MOGAT2: variants seen among roughly 807,000 people sequenced by gnomAD.
MOGAT2 encodes monoacylglycerol O-acyltransferase 2.
MOGAT2 carries 27 observed loss-of-function variants against 31.5 expected under a neutral mutation model. The observed-to-expected ratio is 0.86, with a 90% CI of 0.63 to 1.18. The LOEUF (loss-of-function observed/expected upper bound fraction) is 1.18. MOGAT2 is among the 50% of genes most tolerant of loss of function. The pLI, the probability that MOGAT2 is intolerant of heterozygous loss-of-function variation, is 0.00. For synonymous variants in MOGAT2, 163 were observed against 170.0 expected (o/e 0.96, Z 0.32); for missense variants, 436 against 433.2 (o/e 1.01, Z -0.06).
intron 1 of MOGAT2, 24 bp downstream of exon 1, chr11:75,718,003 CG>C: frequency 6.2e-7 from 1 of 1,608,310 alleles, no homozygotes; most frequent in Non-Finnish European, 8.5e-7. Context: ...CACTGTAAGA[CG>C]GGAGACCACC....
chr11:75,728,434 AG>A (rs1944442231), intron 4 of MOGAT2: 1 of 570,268 alleles, frequency 1.8e-6, no homozygotes, highest in Non-Finnish European at 3.2e-6. Flanking sequence ...TACATTTCAG[AG>A]CTGTTCTCCC....
intron 1 of MOGAT2, 49 bp downstream of exon 1, chr11:75,718,028 G>A: frequency 6.4e-7 from 1 of 1,561,534 alleles, no homozygotes; most frequent in Middle Eastern, 1.7e-4. Context: ...CTCAGGTGGG[G>A]CAGAGCAGCC....
chr11:75,726,573 G>A (rs949915368), intron 2 of MOGAT2, among the ~76,000 whole-genome samples: 15 of 152,132 alleles, frequency 9.9e-5, no homozygotes, highest in Middle Eastern at 3.4e-3. Flanking sequence ...GTTGTTTAGG[G>A]AATACTGATA....
At chr11:75,729,442 T>G (rs997648261) in intron 5 of MOGAT2, among the ~76,000 whole-genome samples, 2 of 152,064 alleles carry the variant, frequency 1.3e-5, no homozygotes, top group Non-Finnish European at 2.9e-5. Flanking sequence ...ACTCAGCTAA[T>G]TTTTGTATTT....
chr11:75,731,257 C>T lies in MOGAT2; in HGVS notation c.976C>T (p.Pro326Ser), dbSNP rs1944477470. ...FEAHKLKFNI[P>S]ADQHLEFC ...GGCCCACAAACTTAAGTTCAACATCCCTGCTGACCAGCACTTGGAGTTCTG... is the reference window on the plus strand; with the variant it reads ...GGCCCACAAACTTAAGTTCAACATCTCTGCTGACCAGCACTTGGAGTTCTG... The change falls in exon 6 of 6, where the codon CCT becomes TCT. Residue 326 changes from proline to serine, a missense_variant. Physicochemically the swap from Pro to Ser is moderately conservative, Grantham distance 74. Transcript: ENST00000198801. 5.0e-6 allele frequency: 8 copies of T among 1,614,168 alleles called. No homozygotes were observed. The highest frequency in any genetic ancestry group is 1.7e-4 in the Middle Eastern group (1 of 6,060).
intron 5 of MOGAT2, among the ~76,000 whole-genome samples, chr11:75,730,115 TG>T (rs928423172): frequency 2.0e-5 from 3 of 152,182 alleles, no homozygotes; most frequent in African/African-American, 7.2e-5. Context: ...TGAGCAGACT[TG>T]GTAAACCCCT....
At chr11:75,726,261 G>A (rs1944420391) in intron 2 of MOGAT2, among the ~76,000 whole-genome samples, 1 of 152,178 alleles carries the variant, frequency 6.6e-6, no homozygotes, top group African/African-American at 2.4e-5. Context: ...GAAGCAGAGA[G>A]CCACAGGGTG....
chr11:75,725,012 C>T (rs1288393654), intron 2 of MOGAT2, among the ~76,000 whole-genome samples: 2 of 152,158 alleles, frequency 1.3e-5, no homozygotes, highest in Admixed American at 1.3e-4. Flanking sequence ...ACAAATTTTT[C>T]ATATCACCAA....
At chr11:75,727,938 C>G (rs932972653) in intron 3 of MOGAT2, 32 bp from the exon 4 acceptor site, 2 of 1,574,626 alleles carry the variant, frequency 1.3e-6, no homozygotes, top group African/African-American at 2.7e-5. Context: ...GCTCCCTCAC[C>G]CCATACCTGA....
At chr11:75,728,735 G>C in intron 4 of MOGAT2, 55 bp from the exon 5 acceptor site, 1 of 1,507,974 alleles carries the variant, frequency 6.6e-7, no homozygotes, top group Non-Finnish European at 9.2e-7. Flanking sequence ...GGGCCTTTCA[G>C]CTCGTGCCTT....
In MOGAT2 at chr11:75,728,830, C is replaced by G; in HGVS notation, c.691C>G (p.Leu231Val). The change falls in exon 5 of 6, where the codon CTA becomes GTA. Residue 231 changes from leucine to valine, a missense_variant. Physicochemically the swap from Leu to Val is conservative, Grantham distance 32. Coordinates refer to ENST00000198801, the MANE Select transcript of MOGAT2 (RefSeq NM_025098.4). ...VPIFSFGEND[L>V]FDQIPNSSGS... ...AATCTTCTCCTTCGGGGAGAATGACCTATTTGACCAGATTCCCAACTCTTC... is the reference window on the plus strand; with the variant it reads ...AATCTTCTCCTTCGGGGAGAATGACGTATTTGACCAGATTCCCAACTCTTC... 6.2e-7 allele frequency: 1 copy of G among 1,614,218 alleles called. No homozygotes were observed. Among genetic ancestry groups the G allele is most frequent in the Admixed American group, 1.7e-5 (1 of 60,016 alleles).
At position 75,728,192 on chromosome 11, in the gene MOGAT2, A is replaced by G. The variant is rs767930553; in HGVS notation, c.650+48A>G. 102 of 1,577,230 alleles carry G rather than the reference A, an allele frequency of 6.5e-5. No homozygotes were observed. The African/African-American group carries it at 1.2e-3, about 18-fold the overall frequency. ...ACTCTGGGTTCAGTTGGCAATTGGC[A>G]AGGATTTTATTTTGGTGGGAAGATG... On this transcript the variant is annotated intron_variant, in intron 4 of 5. Coordinates refer to ENST00000198801, the MANE Select transcript of MOGAT2 (RefSeq NM_025098.4).
chr11:75,724,014 G>C (rs1192134688), intron 2 of MOGAT2, among the ~76,000 whole-genome samples: 1 of 152,226 alleles, frequency 6.6e-6, no homozygotes, highest in Non-Finnish European at 1.5e-5. Flanking sequence ...AACCCTGCCA[G>C]GGAGGCGTTA....
chr11:75,723,687 T>C (rs368655245), intron 2 of MOGAT2, among the ~76,000 whole-genome samples: 20 of 152,248 alleles, frequency 1.3e-4, no homozygotes, highest in African/African-American at 4.3e-4. Flanking sequence ...ACCACACCTA[T>C]CCCACACCTT....
intron 2 of MOGAT2, among the ~76,000 whole-genome samples, chr11:75,724,780 A>T (rs1023401594): frequency 2.0e-5 from 3 of 152,190 alleles, no homozygotes; most frequent in Non-Finnish European, 4.4e-5. Flanking sequence ...TGTTTGGTGT[A>T]TCCATATAAA....
chr11:75,732,218 C>T lies in MOGAT2; in HGVS notation c.*932C>T, dbSNP rs1169905666. The T allele has an allele frequency of 2.6e-5, 4 of 152,306 alleles. No individual in the cohort carries two copies. The highest frequency in any genetic ancestry group is 7.2e-5 in the African/African-American group (3 of 41,438). The allele number at this position is 152,306 out of a possible 1,614,324, so 9.4% of individuals were successfully genotyped here. A position where few individuals can be genotyped will look rare whatever the true frequency, so the allele number is the denominator to read the frequency against. ...AGCAGCAGTTCCTGAACCAGGAAGA[C>T]TCATGTGTGGGGGCCATTGCTGGTC... On this transcript the variant is annotated 3_prime_UTR_variant, in exon 6 of 6. Transcript: ENST00000198801.
At chr11:75,724,554 C>A (rs1006194612) in intron 2 of MOGAT2, among the ~76,000 whole-genome samples, 1 of 151,818 alleles carries the variant, frequency 6.6e-6, no homozygotes, top group East Asian at 1.9e-4. Context: ...CCCAGCTACT[C>A]GGGAGGCTAA....
chr11:75,721,696 G>T (rs1326899082), intron 2 of MOGAT2, among the ~76,000 whole-genome samples: 1 of 152,156 alleles, frequency 6.6e-6, no homozygotes, highest in Non-Finnish European at 1.5e-5. Context: ...GAGAGCCCAA[G>T]CCCTGCTGCT....
chr11:75,721,269 G>A (rs376817495), intron 2 of MOGAT2, among the ~76,000 whole-genome samples: 37 of 151,748 alleles, frequency 2.4e-4, no homozygotes, highest in African/African-American at 8.9e-4. Context: ...GACAAAGCAA[G>A]TAAAGCACTT....
Sources: gnomAD v4.1 joint callset for allele counts (sites outside exome capture counted in the v4.1 genomes callset) on GRCh38, gnomAD v4.1.1 for gene constraint, MANE v1.5 for transcripts, NCBI Gene and HGNC (gene_info 2026-07-23, HGNC 2026-07-21) for gene names.